The following PTGES3 variants were observed in gnomAD, a reference collection of about 807,000 sequenced individuals.
PTGES3 encodes prostaglandin E synthase 3.
PTGES3 carries 5 observed loss-of-function variants against 29.9 expected under a neutral mutation model. The observed-to-expected ratio is 0.17, with a 90% confidence interval of 0.09 to 0.35. PTGES3 has a LOEUF of 0.35. PTGES3 is among the 10% of genes least tolerant of loss of function. PTGES3 has a pLI of 1.00. For missense variants in PTGES3, 128 were observed against 190.0 expected, an observed-to-expected ratio of 0.67 and a Z score of 1.92; for synonymous variants, 49 against 57.8, an observed-to-expected ratio of 0.85 and a Z score of 0.69.
At chr12:56,676,113 C>T (rs1952228427) in intron 1 of PTGES3, among the ~76,000 whole-genome samples, 2 of 136,556 alleles carry the variant, frequency 1.5e-5, no homozygotes, top group Admixed American at 1.5e-4. Flanking sequence ...GTAATACCAG[C>T]TATTTGGGAG....
intron 1 of PTGES3, among the ~76,000 whole-genome samples, chr12:56,681,646 G>A (rs1168780132): frequency 6.7e-6 from 1 of 149,476 alleles, no homozygotes; most frequent in Non-Finnish European, 1.5e-5. Context: ...TCAGGAATTT[G>A]AGACCAGCCT....
At chr12:56,666,396 T>C in intron 5 of PTGES3, 130 bp from the exon 6 acceptor site, 1 of 1,125,162 alleles carries the variant, frequency 8.9e-7, no homozygotes, top group Non-Finnish European at 1.2e-6. Flanking sequence ...AATATAAGCA[T>C]CTTTCCCTTC....
intron 1 of PTGES3, among the ~76,000 whole-genome samples, chr12:56,675,872 C>T (rs946244098): frequency 6.6e-6 from 1 of 151,640 alleles, no homozygotes; most frequent in East Asian, 1.9e-4. Flanking sequence ...GCAGTGAGCC[C>T]AGACCACGCC....
intron 6 of PTGES3, chr12:56,665,199 G>A (rs1027536927): frequency 1.4e-5 from 14 of 985,204 alleles, no homozygotes; most frequent in African/African-American, 5.2e-5. Context: ...AACTTTCTGG[G>A]AGATGTTAAC....
chr12:56,672,864 A>G (rs1012825199), intron 2 of PTGES3, 55 bp from the exon 3 acceptor site: 1 of 1,550,490 alleles, frequency 6.4e-7, no homozygotes, highest in Non-Finnish European at 8.7e-7. Context: ...AAAGATTAAT[A>G]ATAACTTCAA....
rs1952965462 is a variant in PTGES3, at chr12:56,687,998, A to ATTGTGAACG, written c.-8_1dup (p.Glu1_?0). The stretch of plus-strand genomic sequence containing the variant: ...TCCCTCGGCGGGGTGTCGCACTCAC[A>ATTGTGAACG]TTGTGAACGGGGCAGGGGGACGGGC... On this transcript the variant is annotated start_lost and splice_region_variant and start_retained_variant, in exon 1 of 8. Transcript: ENST00000262033. The ATTGTGAACG allele has an allele frequency of 6.3e-7, 1 of 1,594,974 alleles. No homozygotes were observed. The highest frequency in any genetic ancestry group is 1.4e-5 in the African/African-American group (1 of 73,404).
intron 1 of PTGES3, among the ~76,000 whole-genome samples, chr12:56,677,114 C>T (rs1049850290): frequency 2.0e-5 from 3 of 151,586 alleles, no homozygotes; most frequent in Admixed American, 1.3e-4. Flanking sequence ...GTGGTGCACA[C>T]CTGTGATCCC....
chr12:56,677,381 T>C (rs1451396401), intron 1 of PTGES3, among the ~76,000 whole-genome samples: 1 of 152,108 alleles, frequency 6.6e-6, no homozygotes, highest in Non-Finnish European at 1.5e-5. Context: ...TCCTGGTATA[T>C]AGTGCCCTTG....
intron 5 of PTGES3, among the ~76,000 whole-genome samples, chr12:56,669,787 A>G (rs921537805): frequency 7.9e-5 from 12 of 151,134 alleles, no homozygotes; most frequent in African/African-American, 2.4e-4. Context: ...TTTTTTTTGT[A>G]TTTTAGTAGA....
Position 56,670,381 on chromosome 12 carries a change from A to G in PTGES3, c.286-17T>C, listed in dbSNP as rs775520419. ...CCAATTAAGCTATAAATCAATACAAATATCACCCTAAGATTAGGCTAATTT... is the reference window on the plus strand; with the variant it reads ...CCAATTAAGCTATAAATCAATACAAGTATCACCCTAAGATTAGGCTAATTT... On this transcript the variant is annotated splice_polypyrimidine_tract_variant and intron_variant, in intron 4 of 7. Coordinates refer to ENST00000262033, the MANE Select transcript of PTGES3 (RefSeq NM_006601.7). The G allele has an allele frequency of 8.2e-5, 127 of 1,553,888 alleles. No individual in the cohort carries two copies. The highest frequency in any genetic ancestry group is 1.1e-4 in the Non-Finnish European group (124 of 1,125,036).
intron 5 of PTGES3, among the ~76,000 whole-genome samples, chr12:56,668,990 T>TA (rs1951889489): frequency 6.6e-6 from 1 of 150,738 alleles, no homozygotes; most frequent in African/African-American, 2.4e-5. Flanking sequence ...TATCTCATGG[T>TA]AAACATTTCA....
At chr12:56,686,053 C>G (rs527909609) in intron 1 of PTGES3, among the ~76,000 whole-genome samples, 1 of 151,912 alleles carries the variant, frequency 6.6e-6, no homozygotes, top group East Asian at 1.9e-4. Context: ...GGATTACAGG[C>G]GTGAGCCACC....
rs1457845611 is a variant in PTGES3, at chr12:56,664,758, C to T, written c.463+18G>A. 3 of 1,589,294 alleles carry T rather than the reference C, an allele frequency of 1.9e-6. No homozygotes were observed. Among genetic ancestry groups the T allele is most frequent in the South Asian group, 2.2e-5 (2 of 89,198 alleles). ...TGCAAAGTATCACTGTATAAACATA[C>T]TTTTTATATACACTTACTTTCATCA... On this transcript the variant is annotated intron_variant, in intron 7 of 7. Transcript: ENST00000262033.
intron 1 of PTGES3, among the ~76,000 whole-genome samples, chr12:56,683,723 G>T (rs1161756978): frequency 6.6e-6 from 1 of 151,286 alleles, no homozygotes; most frequent in Non-Finnish European, 1.5e-5. Flanking sequence ...ACTTTGGGAG[G>T]CCGAGGCAGG....
Position 56,687,525 on chromosome 12 carries a change from G to A in PTGES3, c.2+473C>T, listed in dbSNP as rs979855201. On this transcript the variant is annotated intron_variant, in intron 1 of 7. Coordinates refer to ENST00000262033, the MANE Select transcript of PTGES3 (RefSeq NM_006601.7). ...CAGCTCACGGCGAGGTCCGCGTGGGGCTCTCCCAGGAGCTCCGCCAGGCAC... is the reference window on the plus strand; with the variant it reads ...CAGCTCACGGCGAGGTCCGCGTGGGACTCTCCCAGGAGCTCCGCCAGGCAC... 4.0e-6 allele frequency: 4 copies of A among 1,003,044 alleles called. No homozygotes were observed. In the African/African-American group the frequency reaches 5.2e-5, roughly 13 times the overall value. The allele number at this position is 1,003,044 out of a possible 1,614,324, so 62.1% of individuals were successfully genotyped here.
chr12:56,688,105 C>G lies in PTGES3; in HGVS notation c.-106G>C, dbSNP rs1952974402. 1 of 1,426,958 alleles carries G rather than the reference C, an allele frequency of 7.0e-7. No homozygotes were observed. Among genetic ancestry groups the G allele is most frequent in the East Asian group, 2.8e-5 (1 of 35,824 alleles). 88.4% of individuals were successfully genotyped at this position (1,426,958 alleles called of 1,614,324 possible). A position where few individuals can be genotyped will look rare whatever the true frequency, so the allele number is the denominator to read the frequency against. Reference sequence around the variant, plus strand: ...CGGTGGCGACTCCGCTTTTTCTCTCCGGTCGCGGCCTCTTCTCGCTTCCCT... The same window carrying G: ...CGGTGGCGACTCCGCTTTTTCTCTCGGGTCGCGGCCTCTTCTCGCTTCCCT... On this transcript the variant is annotated 5_prime_UTR_variant, in exon 1 of 8. Transcript: ENST00000262033.
chr12:56,682,144 G>A (rs929407886), intron 1 of PTGES3, among the ~76,000 whole-genome samples: 3 of 152,146 alleles, frequency 2.0e-5, no homozygotes, highest in African/African-American at 4.8e-5. Context: ...ACCGTGCCCA[G>A]CTGACATTGG....
In PTGES3 at chr12:56,664,259, A is replaced by T. The variant is rs1371783911; in HGVS notation, c.*220T>A. 1 of 461,376 alleles carries T rather than the reference A, an allele frequency of 2.2e-6. No homozygotes were observed. The allele number at this position is 461,376 out of a possible 1,614,324, so 28.6% of individuals were successfully genotyped here. A position where few individuals can be genotyped will look rare whatever the true frequency, so the allele number is the denominator to read the frequency against. On this transcript the variant is annotated 3_prime_UTR_variant, in exon 8 of 8. Coordinates refer to ENST00000262033, the MANE Select transcript of PTGES3 (RefSeq NM_006601.7). ...ATGAAAGTCTGGGAAATGTTCATGCATAAGGTTATTGCCTTAGCTGACTTA... is the reference window on the plus strand; with the variant it reads ...ATGAAAGTCTGGGAAATGTTCATGCTTAAGGTTATTGCCTTAGCTGACTTA...
chr12:56,676,920 C>CAAAAAAAAA lies in PTGES3; in HGVS notation c.3-3864_3-3856dup, dbSNP rs34739170. Among the ~76,000 whole-genome samples the CAAAAAAAAA allele has an allele frequency of 1.6e-3, 81 of 50,548 alleles. 15 individuals carry two copies. The highest frequency in any genetic ancestry group is 5.5e-3 in the African/African-American group (67 of 12,228). The allele number at this position is 50,548 out of a possible 152,430, so 33.2% of individuals were successfully genotyped here. Reference sequence around the variant, plus strand: ...TGGGTGAGAGAGTGAGATTCCGACTCAAAAAAAAAAAAAAAAAAAAAAAAA... The same window carrying CAAAAAAAAA: ...TGGGTGAGAGAGTGAGATTCCGACTCAAAAAAAAAAAAAAAAAAAAAAAAAAAAAAAAAA... On this transcript the variant is annotated intron_variant, in intron 1 of 7. Coordinates refer to ENST00000262033, the MANE Select transcript of PTGES3 (RefSeq NM_006601.7).
Sources: gnomAD v4.1 joint callset for allele counts (sites outside exome capture counted in the v4.1 genomes callset) on GRCh38, gnomAD v4.1.1 for gene constraint, MANE v1.5 for transcripts, NCBI Gene and HGNC (gene_info 2026-07-23, HGNC 2026-07-21) for gene names.